C9: variants seen among roughly 807,000 people sequenced by gnomAD.
The protein encoded by C9 is complement C9.
A neutral mutation model predicts 65.4 loss-of-function variants in C9; 63 were observed. The ratio of observed to expected loss-of-function variants is 0.96; its 90% CI spans 0.79 to 1.19. The LOEUF (loss-of-function observed/expected upper bound fraction) is 1.19, where lower values mean the gene tolerates loss of function less well. C9 is among the 50% of genes most tolerant of loss of function. C9 has a pLI of 0.00. For synonymous variants in C9, 229 were observed against 227.9 expected, an observed-to-expected ratio of 1.00 and a Z score of -0.04; for missense variants, 744 against 670.1, an observed-to-expected ratio of 1.11 and a Z score of -1.22.
At chr5:39,349,709 C>T (rs1754286342) in intron 1 of C9, among the ~76,000 whole-genome samples, 1 of 152,172 alleles carries the variant, frequency 6.6e-6, no homozygotes, top group South Asian at 2.1e-4. Context: ...CCTTTCAGTC[C>T]TTATCTTACT....
At chr5:39,336,470 C>CT (rs1334752793) in intron 4 of C9, among the ~76,000 whole-genome samples, 1 of 151,996 alleles carries the variant, frequency 6.6e-6, no homozygotes, top group East Asian at 1.9e-4. Flanking sequence ...ACCATAGGGT[C>CT]TAAGTATTAA....
intron 10 of C9, among the ~76,000 whole-genome samples, chr5:39,286,976 T>C (rs1045207587): frequency 2.0e-5 from 3 of 151,970 alleles, no homozygotes; most frequent in African/African-American, 2.4e-5. Context: ...ATAATTGTTT[T>C]AGAATTTTGT....
intron 5 of C9, among the ~76,000 whole-genome samples, chr5:39,328,239 G>C (rs1041144287): frequency 2.0e-5 from 3 of 152,210 alleles, no homozygotes; most frequent in African/African-American, 7.2e-5. Flanking sequence ...AACTGTGAAA[G>C]CTCCTGCCTA....
intron 5 of C9, among the ~76,000 whole-genome samples, chr5:39,323,998 T>C (rs1320571282): frequency 6.6e-6 from 1 of 152,116 alleles, no homozygotes; most frequent in African/African-American, 2.4e-5. Flanking sequence ...CATGCAAAAG[T>C]CTGTTGCATT....
intron 1 of C9, among the ~76,000 whole-genome samples, chr5:39,351,704 TC>T (rs1436810040): frequency 1.3e-5 from 2 of 152,166 alleles, no homozygotes; most frequent in Non-Finnish European, 2.9e-5. Flanking sequence ...GTTCCTCATC[TC>T]CATCTGAGAC....
At chr5:39,341,974 C>G (rs1754095676) in intron 2 of C9, 117 bp downstream of exon 2, 2 of 760,912 alleles carry the variant, frequency 2.6e-6, no homozygotes, top group East Asian at 5.0e-5. Flanking sequence ...GTTTATCTCT[C>G]TTTCTGGGTT....
rs141962346 is a variant in C9 at position 39,344,736 on chromosome 5, T to A, written c.78-2540A>T. Among the ~76,000 whole-genome samples the A allele has an allele frequency of 4.2e-3, 637 of 152,152 alleles. 4 individuals carry two copies. Among genetic ancestry groups the A allele is most frequent in the African/African-American group, 0.014 (594 of 41,506 alleles). On this transcript the variant is annotated intron_variant, in intron 1 of 10. Transcript: ENST00000263408. ...ACATAATTGTCAGATTTACCAAAGCTGAAATGAAGGAAAAAATGTTAAGGG... is the reference window on the plus strand; with the variant it reads ...ACATAATTGTCAGATTTACCAAAGCAGAAATGAAGGAAAAAATGTTAAGGG...
intron 4 of C9, 184 bp downstream of exon 4, chr5:39,340,962 A>G (rs1754065372): frequency 4.3e-6 from 3 of 698,984 alleles, no homozygotes; most frequent in Admixed American, 2.2e-5. Context: ...AATTTGTCCA[A>G]ATTATCCTGA....
Position 39,306,641 on chromosome 5 carries a change from A to C in C9, c.1392T>G (p.Asp464Glu). The change falls in exon 9 of 11, where the codon GAT becomes GAG. Residue 464 changes from aspartate (D) to glutamate (E), a missense_variant. Coordinates refer to ENST00000263408, the MANE Select transcript of C9 (RefSeq NM_001737.5). ...CTTTTTGACTAATGAGAACAGGAGC[A>C]TCATTTATGGAAGAGGCCCAGTTGA... ...DFVNWASSIN[D>E]APVLISQKLS... 2 of 1,613,572 alleles carry C rather than the reference A, an allele frequency of 1.2e-6. No individual in the cohort carries two copies. Among genetic ancestry groups the C allele is most frequent in the Non-Finnish European group, 1.7e-6 (2 of 1,179,518 alleles).
intron 9 of C9, among the ~76,000 whole-genome samples, chr5:39,305,430 C>T (rs1298645391): frequency 6.6e-6 from 1 of 152,056 alleles, no homozygotes; most frequent in Non-Finnish European, 1.5e-5. Context: ...GAATAAAATT[C>T]TCCAATAACT....
Position 39,364,368 on chromosome 5 carries a change from C to T in C9, c.77+20G>A, listed in dbSNP as rs369455264. 4 of 1,449,450 alleles carry T rather than the reference C, an allele frequency of 2.8e-6. No individual in the cohort carries two copies. The South Asian group carries it at 3.4e-5, about 12-fold the overall frequency. 89.8% of individuals were successfully genotyped at this position (1,449,450 alleles called of 1,614,324 possible). A position where few individuals can be genotyped will look rare whatever the true frequency, so the allele number is the denominator to read the frequency against. On this transcript the variant is annotated intron_variant, in intron 1 of 10. Transcript: ENST00000263408. ...CCTACAGGAAACTTCCAGAGACAAG[C>T]AGAAAAGTAACTGACTCACCTGGTC...
At chr5:39,348,579 T>C (rs1485216793) in intron 1 of C9, among the ~76,000 whole-genome samples, 1 of 152,146 alleles carries the variant, frequency 6.6e-6, no homozygotes, top group African/African-American at 2.4e-5. Flanking sequence ...GGTGGGACTG[T>C]AAACTAGTTC....
At chr5:39,354,275 G>T (rs1183633772) in intron 1 of C9, among the ~76,000 whole-genome samples, 2 of 152,166 alleles carry the variant, frequency 1.3e-5, no homozygotes, top group African/African-American at 4.8e-5. Context: ...AGAGGCAATA[G>T]CACATACACC....
In C9 at chr5:39,290,237, T is replaced by C. The variant is rs192939144; in HGVS notation, c.1417-1286A>G. ...GAAGATCTATTGTGCAGCTTGATGA[T>C]CATAGAAAAAAATTAAAAAGTTCTT... On this transcript the variant is annotated intron_variant, in intron 9 of 10. Transcript: ENST00000263408. Among the ~76,000 whole-genome samples the C allele has an allele frequency of 5.3e-5, 8 of 151,980 alleles. No individual in the cohort carries two copies. The East Asian group carries it at 1.5e-3, about 29-fold the overall frequency.
At chr5:39,301,027 A>C (rs1753268169) in intron 9 of C9, among the ~76,000 whole-genome samples, 1 of 152,134 alleles carries the variant, frequency 6.6e-6, no homozygotes, top group South Asian at 2.1e-4. Flanking sequence ...AGGATAATAC[A>C]TAGGAAAGTA....
intron 1 of C9, among the ~76,000 whole-genome samples, chr5:39,357,178 T>G (rs1754426219): frequency 1.3e-5 from 2 of 152,194 alleles, no homozygotes; most frequent in South Asian, 4.1e-4. Flanking sequence ...TACTTTGTGG[T>G]AGGCCCAGAC....
intron 5 of C9, among the ~76,000 whole-genome samples, chr5:39,317,829 C>CT (rs1220797025): frequency 6.6e-6 from 1 of 151,396 alleles, no homozygotes; most frequent in Non-Finnish European, 1.5e-5. Flanking sequence ...TATATAGGCT[C>CT]TTTTTTGTTT....
At position 39,288,707 on chromosome 5, in the gene C9, A is replaced by C. The variant is rs188064532; in HGVS notation, c.1645+16T>G. The stretch of plus-strand genomic sequence containing the variant: ...CATATTTTTGTCTTTAATCACATCA[A>C]ATAAATTGTCCTCACCTTCAGAAAT... On this transcript the variant is annotated intron_variant, in intron 10 of 10. Transcript: ENST00000263408. 3.8e-5 allele frequency: 56 copies of C among 1,466,766 alleles called. No individual in the cohort carries two copies. The African/African-American group carries it at 7.7e-4, about 20-fold the overall frequency. 90.9% of individuals were successfully genotyped at this position (1,466,766 alleles called of 1,614,324 possible). A position where few individuals can be genotyped will look rare whatever the true frequency, so the allele number is the denominator to read the frequency against.
At chr5:39,323,462 C>G (rs1753696682) in intron 5 of C9, among the ~76,000 whole-genome samples, 1 of 148,998 alleles carries the variant, frequency 6.7e-6, no homozygotes, top group Admixed American at 6.8e-5. Context: ...TTAAAATGAT[C>G]ATACACAATG....
Sources: gnomAD v4.1 joint callset for allele counts (sites outside exome capture counted in the v4.1 genomes callset) on GRCh38, gnomAD v4.1.1 for gene constraint, MANE v1.5 for transcripts, NCBI Gene and HGNC (gene_info 2026-07-23, HGNC 2026-07-21) for gene names.